RYR2: variants seen among roughly 807,000 people sequenced by gnomAD.
The protein encoded by RYR2 is ryanodine receptor 2.
A neutral mutation model predicts 601.1 loss-of-function variants in RYR2; 227 were observed. The ratio of observed to expected loss-of-function variants is 0.38; its 90% CI spans 0.34 to 0.42. The LOEUF (loss-of-function observed/expected upper bound fraction) is 0.42. RYR2 is among the 10% of genes least tolerant of loss of function. RYR2 has a pLI of 1.00. For missense variants in RYR2, 4,646 were observed against 6,156.5 expected (o/e 0.75, Z 8.21); for synonymous variants, 2,223 against 2,175.1 (o/e 1.02, Z -0.61).
chr1:237,707,961 T>A (rs1326917634), intron 68 of RYR2, among the ~76,000 whole-genome samples: 3 of 106,006 alleles, frequency 2.8e-5, no homozygotes, highest in Non-Finnish European at 6.5e-5. Flanking sequence ...TTTTTTTTTT[T>A]AGTAGAGATG....
At chr1:237,712,414 C>G (rs1319818679) in intron 71 of RYR2, among the ~76,000 whole-genome samples, 1 of 151,876 alleles carries the variant, frequency 6.6e-6, no homozygotes, top group Non-Finnish European at 1.5e-5. Flanking sequence ...AAAGCAAGCT[C>G]CCCAAACCAA....
intron 96 of RYR2, 41 bp downstream of exon 96, chr1:237,795,372 AG>A (rs2149392718): frequency 9.6e-7 from 1 of 1,041,964 alleles, no homozygotes; most frequent in East Asian, 2.7e-5. Context: ...CTTAAAGCAC[AG>A]TTTAGATTTT....
intron 61 of RYR2, 92 bp downstream of exon 61, chr1:237,678,204 C>A: frequency 2.9e-6 from 2 of 701,288 alleles, no homozygotes; most frequent in Non-Finnish European, 5.1e-6. Flanking sequence ...ACATACTTGT[C>A]TACAAATGTG....
At chr1:237,228,740 T>C (rs1293128624) in intron 1 of RYR2, among the ~76,000 whole-genome samples, 1 of 151,918 alleles carries the variant, frequency 6.6e-6, no homozygotes, top group Non-Finnish European at 1.5e-5. Context: ...ATCTGTAACA[T>C]GGAATAATAA....
chr1:237,738,634 T>C (rs994242370), intron 79 of RYR2, among the ~76,000 whole-genome samples: 22 of 152,292 alleles, frequency 1.4e-4, no homozygotes, highest in Admixed American at 1.4e-3. Context: ...ACTTATTGAA[T>C]TAATAGTGTT....
rs1558438840 is a variant in RYR2 at position 237,798,018 on chromosome 1, CTT to C, written c.13957-15_13957-14del. On this transcript the variant is annotated splice_polypyrimidine_tract_variant and intron_variant, in intron 96 of 104. Transcript: ENST00000366574. ...CTTAATGGTTGAAGCCAACAAAATG[CTT>C]TTTCTCATACCCCAAGGTTATGGAT... 5.0e-6 allele frequency: 8 copies of C among 1,599,478 alleles called. No individual in the cohort carries two copies. The highest frequency in any genetic ancestry group is 6.8e-6 in the Non-Finnish European group (8 of 1,173,704).
At chr1:237,571,289 A>G (rs1052740110) in intron 29 of RYR2, among the ~76,000 whole-genome samples, 1 of 149,196 alleles carries the variant, frequency 6.7e-6, no homozygotes. Flanking sequence ...ACCTACCTCA[A>G]CCAGTATTTC....
intron 27 of RYR2, among the ~76,000 whole-genome samples, chr1:237,553,922 A>T (rs377678062): frequency 6.6e-6 from 1 of 151,906 alleles, no homozygotes; most frequent in African/African-American, 2.4e-5. Context: ...TTGTAAATTC[A>T]GTGGGATTGT....
chr1:237,129,714 A>G (rs1001585232), intron 1 of RYR2, among the ~76,000 whole-genome samples: 2 of 150,180 alleles, frequency 1.3e-5, no homozygotes, highest in African/African-American at 4.9e-5. Flanking sequence ...ATAATGATAC[A>G]TATATATAGT....
intron 2 of RYR2, among the ~76,000 whole-genome samples, chr1:237,327,336 A>T (rs562494200): frequency 1.3e-5 from 2 of 152,188 alleles, no homozygotes; most frequent in African/African-American, 4.8e-5. Flanking sequence ...ATCTGAAAAA[A>T]TAGCTGTAGC....
intron 1 of RYR2, among the ~76,000 whole-genome samples, chr1:237,148,553 T>TAC (rs1157417005): frequency 0.028 from 2,962 of 105,378 alleles, 76 homozygotes; most frequent in Admixed American, 0.048. Context: ...TATATATATA[T>TAC]ACACACACAC....
At chr1:237,625,513 G>A in intron 39 of RYR2, 148 bp from the exon 40 acceptor site, 1 of 718,952 alleles carries the variant, frequency 1.4e-6, no homozygotes, top group South Asian at 2.0e-5. Context: ...TATTTATGAG[G>A]GCTGGTAAGC....
At chr1:237,452,035 G>A (rs1658201114) in intron 14 of RYR2, among the ~76,000 whole-genome samples, 1 of 141,110 alleles carries the variant, frequency 7.1e-6, no homozygotes, top group African/African-American at 2.6e-5. Flanking sequence ...AGGGAAGGGA[G>A]CTCTATTCTT....
chr1:237,652,830 A>G (rs921451124), intron 51 of RYR2, among the ~76,000 whole-genome samples: 1 of 152,004 alleles, frequency 6.6e-6, no homozygotes, highest in Non-Finnish European at 1.5e-5. Flanking sequence ...GCAAATTAGA[A>G]CTCAATATTT....
chr1:237,689,935 C>T (rs1268473001), intron 63 of RYR2, among the ~76,000 whole-genome samples: 1 of 151,646 alleles, frequency 6.6e-6, no homozygotes, highest in African/African-American at 2.4e-5. Flanking sequence ...ACCTCCGCCT[C>T]CCAGGTTCAA....
intron 81 of RYR2, 26 bp downstream of exon 81, chr1:237,756,413 G>T (rs533963322): frequency 2.7e-6 from 4 of 1,458,206 alleles, no homozygotes; most frequent in Non-Finnish European, 3.8e-6. Flanking sequence ...TTCCCCTCAC[G>T]AGTGTCTGTT....
chr1:237,290,675 G>A (rs865973540), intron 2 of RYR2, among the ~76,000 whole-genome samples: 9 of 152,052 alleles, frequency 5.9e-5, no homozygotes, highest in African/African-American at 1.9e-4. Flanking sequence ...CATAAAAACA[G>A]CACTACCACC....
chr1:237,551,773 A>ATGATAGTTT (rs1345720849), intron 27 of RYR2, among the ~76,000 whole-genome samples: 2 of 152,174 alleles, frequency 1.3e-5, no homozygotes, highest in Non-Finnish European at 2.9e-5. Flanking sequence ...TTAAATAATA[A>ATGATAGTTT]TGATAGTTTA....
intron 56 of RYR2, among the ~76,000 whole-genome samples, chr1:237,664,912 A>G (rs1460811427): frequency 6.6e-6 from 1 of 152,200 alleles, no homozygotes. Context: ...TCCTCACTAC[A>G]ACTGTATGGG....
Sources: allele counts gnomAD v4.1 joint callset (sites outside exome capture counted in the v4.1 genomes callset), GRCh38; gene constraint gnomAD v4.1.1; transcripts MANE v1.5; gene names NCBI Gene and HGNC (gene_info 2026-07-23, HGNC 2026-07-21).